Variants in PLXDC2 observed in about 807,000 individuals in gnomAD.
The protein encoded by PLXDC2 is plexin domain-containing protein 2.
PLXDC2 carries 40 observed loss-of-function variants against 68.9 expected under a neutral mutation model. The ratio of observed to expected loss-of-function variants is 0.58; its 90% CI spans 0.45 to 0.76. The LOEUF is 0.76. Ranked by LOEUF, PLXDC2 falls within the 30% of genes least tolerant of loss-of-function variation. The pLI, the probability that PLXDC2 is intolerant of heterozygous loss-of-function variation, is 0.00. For missense variants in PLXDC2, 644 were observed against 661.9 expected, an observed-to-expected ratio of 0.97 and a Z score of 0.30; for synonymous variants, 243 against 234.2, an observed-to-expected ratio of 1.04 and a Z score of -0.34.
chr10:20,145,307 A>T (rs1424022310), intron 5 of PLXDC2, among the ~76,000 whole-genome samples: 1 of 152,200 alleles, frequency 6.6e-6, no homozygotes, highest in African/African-American at 2.4e-5. Context: ...AATGAATGAA[A>T]CACTTTTAAA....
At chr10:20,003,015 G>C (rs900870152) in intron 2 of PLXDC2, among the ~76,000 whole-genome samples, 1 of 152,144 alleles carries the variant, frequency 6.6e-6, no homozygotes, top group African/African-American at 2.4e-5. Flanking sequence ...GCTATGAAGC[G>C]GAGGGAGGAG....
At chr10:20,278,295 C>CTGA (rs1836035251) in intron 13 of PLXDC2, among the ~76,000 whole-genome samples, 2 of 152,138 alleles carry the variant, frequency 1.3e-5, no homozygotes, top group Non-Finnish European at 2.9e-5. Context: ...GCTGTGAAGT[C>CTGA]ACTAAAACCA....
At chr10:20,033,599 C>T (rs1043201946) in intron 2 of PLXDC2, among the ~76,000 whole-genome samples, 2 of 152,144 alleles carry the variant, frequency 1.3e-5, no homozygotes, top group African/African-American at 4.8e-5. Context: ...AGATATCTTA[C>T]ATGGTGGCAG....
chr10:20,133,274 A>G (rs1833890794), intron 4 of PLXDC2, among the ~76,000 whole-genome samples: 1 of 152,146 alleles, frequency 6.6e-6, no homozygotes, highest in Non-Finnish European at 1.5e-5. Context: ...GCTGAGTGTG[A>G]TTGCATTCTG....
At chr10:20,070,287 T>C (rs551312980) in intron 4 of PLXDC2, among the ~76,000 whole-genome samples, 1 of 152,294 alleles carries the variant, frequency 6.6e-6, no homozygotes, top group Non-Finnish European at 1.5e-5. Context: ...AGTTAGTACA[T>C]TTAACTGGAA....
chr10:20,038,168 G>T (rs1319068427), intron 2 of PLXDC2, among the ~76,000 whole-genome samples: 1 of 151,964 alleles, frequency 6.6e-6, no homozygotes, highest in Non-Finnish European at 1.5e-5. Context: ...CCTGGGAGAT[G>T]GAGGTTGCAG....
At position 20,282,049 on chromosome 10, in the gene PLXDC2, A is replaced by C. The variant is rs980739564; in HGVS notation, c.*2230A>C. 6 of 152,134 alleles carry C rather than the reference A, an allele frequency of 3.9e-5. No homozygotes were observed. Among genetic ancestry groups the C allele is most frequent in the Non-Finnish European group, 2.9e-5 (2 of 68,014 alleles). The allele number at this position is 152,134 out of a possible 1,614,324, so 9.4% of individuals were successfully genotyped here. A position where few individuals can be genotyped will look rare whatever the true frequency, so the allele number is the denominator to read the frequency against. ...GATTCAAAACAATTGATTCAAAACA[A>C]TTTTGAATCAATTTTCTATTTTGAT... On this transcript the variant is annotated 3_prime_UTR_variant, in exon 14 of 14. Coordinates refer to ENST00000377252, the MANE Select transcript of PLXDC2 (RefSeq NM_032812.9).
chr10:20,071,575 C>G (rs554811155), intron 4 of PLXDC2, among the ~76,000 whole-genome samples: 1 of 152,304 alleles, frequency 6.6e-6, no homozygotes, highest in South Asian at 2.1e-4. Flanking sequence ...CATGCCTTTA[C>G]TCCTCCTTTG....
chr10:19,906,864 G>A (rs1833171535), intron 1 of PLXDC2, among the ~76,000 whole-genome samples: 1 of 152,252 alleles, frequency 6.6e-6, no homozygotes, highest in East Asian at 1.9e-4. Context: ...TTACTCTTCT[G>A]TCTGCCTGGA....
intron 1 of PLXDC2, among the ~76,000 whole-genome samples, chr10:19,866,200 A>G (rs1837413088): frequency 6.6e-6 from 1 of 152,192 alleles, no homozygotes; most frequent in African/African-American, 2.4e-5. Flanking sequence ...TTATTTGTTT[A>G]GTGGCTTAAA....
At chr10:20,122,189 T>C (rs1327844444) in intron 4 of PLXDC2, among the ~76,000 whole-genome samples, 1 of 151,974 alleles carries the variant, frequency 6.6e-6, no homozygotes, top group Admixed American at 6.5e-5. Context: ...TAAAAGAGTA[T>C]TGTCTAATTG....
At chr10:20,221,988 C>T (rs573565423) in intron 12 of PLXDC2, among the ~76,000 whole-genome samples, 1 of 152,208 alleles carries the variant, frequency 6.6e-6, no homozygotes, top group East Asian at 1.9e-4. Context: ...ATTTATGGGA[C>T]TACATATAGA....
chr10:20,257,997 C>CTTTTTTTTTT (rs550997528), intron 13 of PLXDC2, among the ~76,000 whole-genome samples: 1 of 84,360 alleles, frequency 1.2e-5, no homozygotes, highest in Non-Finnish European at 2.4e-5. Context: ...TTTTTTCTTT[C>CTTTTTTTTTT]TTTTTTTTTT....
At chr10:20,163,308 C>T (rs1301856362) in intron 6 of PLXDC2, among the ~76,000 whole-genome samples, 4 of 152,070 alleles carry the variant, frequency 2.6e-5, no homozygotes, top group Non-Finnish European at 5.9e-5. Context: ...AAGCAATGAA[C>T]TTTTTTCTTA....
chr10:20,233,182 TG>T (rs1047151047), intron 12 of PLXDC2, among the ~76,000 whole-genome samples: 1 of 152,042 alleles, frequency 6.6e-6, no homozygotes, highest in Non-Finnish European at 1.5e-5. Context: ...CTTAAAGTGT[TG>T]GGGGATGGGA....
chr10:20,109,416 A>G (rs1833530325), intron 4 of PLXDC2, among the ~76,000 whole-genome samples: 1 of 152,162 alleles, frequency 6.6e-6, no homozygotes, highest in South Asian at 2.1e-4. Context: ...CATATTAGAT[A>G]TTTTTGTTAC....
chr10:20,289,741 C>A lies in PLXDC2; in HGVS notation c.*9922C>A, dbSNP rs1029586455. 29 of 152,252 alleles carry A rather than the reference C, an allele frequency of 1.9e-4. No individual in the cohort carries two copies. Among genetic ancestry groups the A allele is most frequent in the African/African-American group, 7.0e-4 (29 of 41,428 alleles). 9.4% of individuals were successfully genotyped at this position (152,252 alleles called of 1,614,324 possible). A position where few individuals can be genotyped will look rare whatever the true frequency, so the allele number is the denominator to read the frequency against. ...TCCTGTCAGTGGCATTCCCTGAGCA[C>A]TGGCTCTGTACAACTCAATTATAAT... is the stretch of plus-strand genomic sequence containing the variant. On this transcript the variant is annotated 3_prime_UTR_variant, in exon 14 of 14. Transcript: ENST00000377252.
At position 20,203,447 on chromosome 10, in the gene PLXDC2, G is replaced by C. The variant is rs191168319; in HGVS notation, c.1062-8222G>C. Reference sequence around the variant, plus strand: ...AGCCTCCCAAGTAGCTGGGACTACAGGCATGCACCACCATGCCTGGCTAAT... The same window carrying C: ...AGCCTCCCAAGTAGCTGGGACTACACGCATGCACCACCATGCCTGGCTAAT... On this transcript the variant is annotated intron_variant, in intron 9 of 13. Transcript: ENST00000377252. Among the ~76,000 whole-genome samples, 35 of 151,932 alleles carry C rather than the reference G, an allele frequency of 2.3e-4. 1 individual carries two copies. In the East Asian group the frequency reaches 6.6e-3, roughly 29 times the overall value.
chr10:19,819,900 G>A (rs1836431241), intron 1 of PLXDC2, among the ~76,000 whole-genome samples: 1 of 152,214 alleles, frequency 6.6e-6, no homozygotes, highest in African/African-American at 2.4e-5. Flanking sequence ...TGATATAATA[G>A]AGGGGTTAAT....
Sources: allele counts gnomAD v4.1 joint callset (sites outside exome capture counted in the v4.1 genomes callset), GRCh38; gene constraint gnomAD v4.1.1; transcripts MANE v1.5; gene names NCBI Gene and HGNC (gene_info 2026-07-23, HGNC 2026-07-21).